PHOX2A: variants seen among roughly 807,000 people sequenced by gnomAD.
The protein encoded by PHOX2A is paired mesoderm homeobox protein 2A.
A neutral mutation model predicts 16.4 loss-of-function variants in PHOX2A; 10 were observed. That is an observed-to-expected ratio of 0.61 (90% confidence interval 0.38 to 1.04). The LOEUF (loss-of-function observed/expected upper bound fraction) is 1.04, where lower values mean the gene tolerates loss of function less well. PHOX2A is among the 50% of genes least tolerant of loss of function. The pLI is 0.01. For synonymous variants in PHOX2A, 219 were observed against 203.8 expected, an observed-to-expected ratio of 1.07 and a Z score of -0.64; for missense variants, 361 against 419.4, an observed-to-expected ratio of 0.86 and a Z score of 1.22.
In PHOX2A at chr11:72,239,944, A is replaced by G. The variant is rs1318399914; in HGVS notation, c.660T>C (p.Pro220=). ...CCTTGAGCGGCTGTGGCCCCGGCCC[A>G]GGTCCCGGCCCGGAGCCCAGTGCGA... ...LPVALGSGPG[P]GPGPQPLKGA... is the part of the protein sequence containing the mutation. Residue 220 remains proline (P), a synonymous_variant, in exon 3 of 3, where the codon CCT becomes CCC. Coordinates refer to ENST00000298231, the MANE Select transcript of PHOX2A (RefSeq NM_005169.4). 5.4e-6 allele frequency: 7 copies of G among 1,297,984 alleles called. No individual in the cohort carries two copies. Among genetic ancestry groups the G allele is most frequent in the Non-Finnish European group, 6.8e-6 (7 of 1,022,614 alleles). The allele number at this position is 1,297,984 out of a possible 1,614,324, so 80.4% of individuals were successfully genotyped here.
intron 2 of PHOX2A, among the ~76,000 whole-genome samples, chr11:72,240,624 C>T (rs1471938285): frequency 2.0e-5 from 3 of 152,210 alleles, no homozygotes; most frequent in Non-Finnish European, 4.4e-5. Flanking sequence ...GCCAACTGAA[C>T]ATCTGTACAC....
intron 1 of PHOX2A, among the ~76,000 whole-genome samples, chr11:72,242,802 G>A (rs989532651): frequency 1.3e-5 from 2 of 151,520 alleles, no homozygotes; most frequent in African/African-American, 2.4e-5. Context: ...GATTACAGGC[G>A]TGGGCCACCA....
At position 72,241,134 on chromosome 11, in the gene PHOX2A, G is replaced by A. The variant is rs559070400; in HGVS notation, c.373C>T (p.Leu125Phe). 4 of 1,614,068 alleles carry A rather than the reference G, an allele frequency of 2.5e-6. No homozygotes were observed. The African/African-American group carries it at 5.3e-5, about 22-fold the overall frequency. The change falls in exon 2 of 3, where the codon CTC becomes TTC. Residue 125 changes from leucine (L) to phenylalanine (F), a missense_variant. Transcript: ENST00000298231. ...PDIYTREELALKIDLTEARVQ... is the reference protein window; with the variant it reads ...PDIYTREELAFKIDLTEARVQ... ...CGAGCCTCAGTGAGGTCGATCTTGA[G>A]CGCCAGCTCCTCACGCGTGTAAATG...
chr11:72,242,702 G>T (rs773226298), intron 1 of PHOX2A, among the ~76,000 whole-genome samples: 13 of 151,908 alleles, frequency 8.6e-5, no homozygotes, highest in Non-Finnish European at 1.8e-4. Context: ...TGTCACCCAG[G>T]CTGGAATGCA....
At chr11:72,241,764 G>A (rs1590728368) in intron 1 of PHOX2A, among the ~76,000 whole-genome samples, 4 of 151,828 alleles carry the variant, frequency 2.6e-5, no homozygotes. Flanking sequence ...TCTGGGCCAA[G>A]GCTCTGCAAC....
chr11:72,241,296 G>T lies in PHOX2A; in HGVS notation c.218-7C>A. ...GGGAAGAACTTGTAGGGCACTGCGG[G>T]TGTGTGCAGGGGGGCCGGGGGGGGG... On this transcript the variant is annotated splice_region_variant and splice_polypyrimidine_tract_variant and intron_variant, in intron 1 of 2. Transcript: ENST00000298231. 1 of 1,551,584 alleles carries T rather than the reference G, an allele frequency of 6.4e-7. No individual in the cohort carries two copies.
Position 72,240,138 on chromosome 11 carries a change from C to A in PHOX2A, c.466G>T (p.Gly156Cys). 1 of 1,534,442 alleles carries A rather than the reference C, an allele frequency of 6.5e-7. No homozygotes were observed. Among genetic ancestry groups the A allele is most frequent in the Non-Finnish European group, 8.7e-7 (1 of 1,145,214 alleles). The change falls in exon 3 of 3, where the codon GGC becomes TGC. Residue 156 changes from glycine to cysteine, a missense_variant. Gly to Cys is a radical substitution (Grantham distance 159). Around this residue, in one of 3 missense-constraint regions of PHOX2A, gnomAD observed 235 missense variants for 263.8 expected, o/e 0.89. Coordinates refer to ENST00000298231, the MANE Select transcript of PHOX2A (RefSeq NM_005169.4). ...RKQERAASAK[G>C]AAGAAGAKKG... ...TTGGCGCCCGCCGCGCCCGCCGCGC[C>A]CTTGGCGCTGGCCGCGCGCTCCTGT...
At position 72,240,124 on chromosome 11, in the gene PHOX2A, C is replaced by A. The variant is rs923411634; in HGVS notation, c.480G>T (p.Ala160=). The A allele has an allele frequency of 2.0e-6, 3 of 1,524,320 alleles. No individual in the cohort carries two copies. The highest frequency in any genetic ancestry group is 2.0e-5 in the Admixed American group (1 of 50,388). 94.4% of individuals were successfully genotyped at this position (1,524,320 alleles called of 1,614,324 possible). A position where few individuals can be genotyped will look rare whatever the true frequency, so the allele number is the denominator to read the frequency against. The part of the protein sequence containing the change: ...RAASAKGAAG[A]AGAKKGEARC... The stretch of plus-strand genomic sequence containing the variant: ...GCGCCTCGCCCTTTTTGGCGCCCGC[C>A]GCGCCCGCCGCGCCCTTGGCGCTGG... The change falls in exon 3 of 3, where the codon GCG becomes GCT. Residue 160 remains alanine, a synonymous_variant. Coordinates refer to ENST00000298231, the MANE Select transcript of PHOX2A (RefSeq NM_005169.4).
At position 72,243,837 on chromosome 11, in the gene PHOX2A, G is replaced by A; in HGVS notation, c.168C>T (p.Asn56=). The stretch of plus-strand genomic sequence containing the variant: ...GGTCGCGTAGGGCGCCAAGTGCGCA[G>A]TTGGAGGAGCCGAGCGCGGGGCAGG... ...GPPCPALGSS[N]CALGALRDHQ... is the part of the protein sequence containing the mutation. Residue 56 remains asparagine, a synonymous_variant, in exon 1 of 3, where the codon AAC becomes AAT. Coordinates refer to ENST00000298231, the MANE Select transcript of PHOX2A (RefSeq NM_005169.4). The A allele has an allele frequency of 8.0e-7, 1 of 1,254,556 alleles. No homozygotes were observed. Among genetic ancestry groups the A allele is most frequent in the Non-Finnish European group, 1.0e-6 (1 of 996,772 alleles). The allele number at this position is 1,254,556 out of a possible 1,614,324, so 77.7% of individuals were successfully genotyped here.
rs776226350 is a variant in PHOX2A at position 72,239,731 on chromosome 11, G to A, written c.*18C>T. On this transcript the variant is annotated 3_prime_UTR_variant, in exon 3 of 3. Transcript: ENST00000298231. The stretch of plus-strand genomic sequence containing the variant: ...GGACGTCTCTGGGGGCAGGCTCGGA[G>A]CCTCCAGAGGCCGGCAGCTAGAAGA... 7.7e-6 allele frequency: 10 copies of A among 1,305,902 alleles called. No individual in the cohort carries two copies. Among genetic ancestry groups the A allele is most frequent in the Admixed American group, 3.2e-5 (1 of 31,580 alleles). The allele number at this position is 1,305,902 out of a possible 1,614,324, so 80.9% of individuals were successfully genotyped here.
At chr11:72,241,312 C>CGGGGGGGTGGGGGCGGGGGGGCG in intron 1 of PHOX2A, 23 bp from the exon 2 acceptor site, 1 of 399,392 alleles carries the variant, frequency 2.5e-6, no homozygotes, top group Non-Finnish European at 3.9e-6. Flanking sequence ...GCAGGGGGGC[C>CGGGGGGGTGGGGGCGGGGGGGCG]GGGGGGGGGG....
intron 1 of PHOX2A, among the ~76,000 whole-genome samples, chr11:72,242,644 G>GTCT (rs556523561): frequency 1.8e-3 from 265 of 151,352 alleles, no homozygotes; most frequent in African/African-American, 5.1e-3. Context: ...CTAGGGCCCA[G>GTCT]TCTTCTTCTT....
intron 2 of PHOX2A, among the ~76,000 whole-genome samples, chr11:72,240,443 C>G (rs1444292112): frequency 2.6e-5 from 4 of 152,214 alleles, no homozygotes; most frequent in African/African-American, 9.6e-5. Context: ...TGCCTCCCAG[C>G]ACTCTTGGTC....
rs536818120 is a variant in PHOX2A at position 72,241,012 on chromosome 11, G to A, written c.405+90C>T. The A allele has an allele frequency of 3.5e-4, 481 of 1,383,924 alleles. 2 individuals carry two copies. The highest frequency in any genetic ancestry group is 9.8e-4 in the Admixed American group (52 of 53,250). 85.7% of individuals were successfully genotyped at this position (1,383,924 alleles called of 1,614,324 possible). ...CGCGCCCTGCCTTCGGGCTGCATCT[G>A]CCTGTATTCCCCTACCCCCAGGTGT... On this transcript the variant is annotated intron_variant, in intron 2 of 2. Transcript: ENST00000298231.
rs1412078000 is a variant in PHOX2A, at chr11:72,240,096, A to G, written c.508T>C (p.Cys170Arg). Residue 170 changes from cysteine (C) to arginine (R), a missense_variant, in exon 3 of 3, where the codon TGC becomes CGC. Around this residue, in one of 3 missense-constraint regions of PHOX2A, gnomAD observed 235 missense variants for 263.8 expected, o/e 0.89. Transcript: ENST00000298231. ...AAGAKKGEAR[C>R]SSEDDDSKES... ...TTGGAATCGTCGTCCTCGGAGGAGCAGCGCGCCTCGCCCTTTTTGGCGCCC... is the reference window on the plus strand; with the variant it reads ...TTGGAATCGTCGTCCTCGGAGGAGCGGCGCGCCTCGCCCTTTTTGGCGCCC... 2.0e-6 allele frequency: 3 copies of G among 1,531,088 alleles called. No homozygotes were observed. The highest frequency in any genetic ancestry group is 2.6e-6 in the Non-Finnish European group (3 of 1,143,842). The allele number at this position is 1,531,088 out of a possible 1,614,324, so 94.8% of individuals were successfully genotyped here. A position where few individuals can be genotyped will look rare whatever the true frequency, so the allele number is the denominator to read the frequency against.
At position 72,244,112 on chromosome 11, in the gene PHOX2A, G is replaced by C; in HGVS notation, c.-108C>G. On this transcript the variant is annotated 5_prime_UTR_variant, in exon 1 of 3. Transcript: ENST00000298231. ...GCCAGGCTCCGAGGACCCGAGGCCAGCTCTGAGCGCCCGAGAGTCCGCCCG... is the reference window on the plus strand; with the variant it reads ...GCCAGGCTCCGAGGACCCGAGGCCACCTCTGAGCGCCCGAGAGTCCGCCCG... 1 of 484,738 alleles carries C rather than the reference G, an allele frequency of 2.1e-6. No homozygotes were observed. The highest frequency in any genetic ancestry group is 3.3e-6 in the Non-Finnish European group (1 of 305,362). 30.0% of individuals were successfully genotyped at this position (484,738 alleles called of 1,614,324 possible). A position where few individuals can be genotyped will look rare whatever the true frequency, so the allele number is the denominator to read the frequency against.
intron 1 of PHOX2A, among the ~76,000 whole-genome samples, chr11:72,242,784 G>A (rs182636514): frequency 8.6e-5 from 13 of 151,960 alleles, no homozygotes; most frequent in Admixed American, 6.5e-4. Flanking sequence ...AGACTCCCAA[G>A]TAGCTGGGAT....
intron 2 of PHOX2A, 78 bp downstream of exon 2, chr11:72,241,024 C>CT: frequency 6.8e-7 from 1 of 1,472,818 alleles, no homozygotes; most frequent in Non-Finnish European, 9.4e-7. Context: ...CTGTATTCCC[C>CT]TACCCCCAGG....
Position 72,239,676 on chromosome 11 carries a change from G to A in PHOX2A, c.*73C>T. On this transcript the variant is annotated 3_prime_UTR_variant, in exon 3 of 3. Coordinates refer to ENST00000298231, the MANE Select transcript of PHOX2A (RefSeq NM_005169.4). ...GGACTTCCAGGCGGGTGGCCAGGAT[G>A]GGAGGGGCTGTCAGGTCCTGGAGGG... is the stretch of plus-strand genomic sequence containing the variant. 8.6e-7 allele frequency: 1 copy of A among 1,164,554 alleles called. No homozygotes were observed. The highest frequency in any genetic ancestry group is 3.1e-5 in the East Asian group (1 of 32,772). 72.1% of individuals were successfully genotyped at this position (1,164,554 alleles called of 1,614,324 possible). A position where few individuals can be genotyped will look rare whatever the true frequency, so the allele number is the denominator to read the frequency against.
Sources: gnomAD v4.1 joint callset for allele counts (sites outside exome capture counted in the v4.1 genomes callset) on GRCh38, gnomAD v4.1.1 for gene constraint, gnomAD v4.1.1 regional missense constraint, MANE v1.5 for transcripts, NCBI Gene and HGNC (gene_info 2026-07-23, HGNC 2026-07-21) for gene names.